Variants in SPIDR observed in about 807,000 individuals in gnomAD.
The protein encoded by SPIDR is scaffold protein involved in DNA repair, also known as DNA repair-scaffolding protein.
In SPIDR, 93 loss-of-function variants were observed where a neutral mutation model predicts 104.6. The observed-to-expected ratio is 0.89, with a 90% confidence interval of 0.75 to 1.06. SPIDR has a LOEUF of 1.06. Among genes scored for constraint, SPIDR ranks in the 50% least tolerant of loss-of-function variants. The pLI is 0.00. For missense variants in SPIDR, 1,154 were observed against 1,111.2 expected, an observed-to-expected ratio of 1.04 and a Z score of -0.55; for synonymous variants, 431 against 416.9, an observed-to-expected ratio of 1.03 and a Z score of -0.41.
At chr8:47,600,260 C>T (rs533960114) in intron 10 of SPIDR, among the ~76,000 whole-genome samples, 14 of 152,234 alleles carry the variant, frequency 9.2e-5, no homozygotes, top group African/African-American at 3.1e-4. Context: ...CATATAATCC[C>T]AGCACTTTGG....
At chr8:47,395,348 CAAA>C (rs1480245356) in intron 5 of SPIDR, among the ~76,000 whole-genome samples, 1 of 151,720 alleles carries the variant, frequency 6.6e-6, no homozygotes, top group African/African-American at 2.4e-5. Flanking sequence ...GACTCCATCT[CAAA>C]GAAAAAAGAA....
At chr8:47,562,912 T>A (rs1367102570) in intron 8 of SPIDR, among the ~76,000 whole-genome samples, 1 of 152,188 alleles carries the variant, frequency 6.6e-6, no homozygotes, top group East Asian at 1.9e-4. Flanking sequence ...TTGAGAAAGT[T>A]GCTGAATGAA....
chr8:47,660,697 C>T (rs569742838), intron 10 of SPIDR, among the ~76,000 whole-genome samples: 1 of 152,290 alleles, frequency 6.6e-6, no homozygotes, highest in East Asian at 1.9e-4. Context: ...ACAGCTGTAG[C>T]TGAATGATGA....
intron 5 of SPIDR, among the ~76,000 whole-genome samples, chr8:47,310,059 C>T (rs1421786599): frequency 2.0e-5 from 3 of 150,528 alleles, no homozygotes; most frequent in South Asian, 4.2e-4. Context: ...AGTCGGCCAG[C>T]GCTGTGGCTC....
At chr8:47,671,665 G>T (rs910620121) in intron 10 of SPIDR, among the ~76,000 whole-genome samples, 7 of 151,954 alleles carry the variant, frequency 4.6e-5, no homozygotes, top group Non-Finnish European at 2.9e-5. Flanking sequence ...CATCATTCTT[G>T]AAAGGAGTTT....
At chr8:47,307,094 T>C (rs1198286436) in intron 5 of SPIDR, among the ~76,000 whole-genome samples, 3 of 152,168 alleles carry the variant, frequency 2.0e-5, no homozygotes, top group Admixed American at 2.0e-4. Flanking sequence ...TACAGAAGGA[T>C]TTCTGTCATT....
At chr8:47,617,968 G>C (rs1266100037) in intron 10 of SPIDR, among the ~76,000 whole-genome samples, 1 of 152,180 alleles carries the variant, frequency 6.6e-6, no homozygotes, top group African/African-American at 2.4e-5. Context: ...TGACAATCAT[G>C]TCATCAAGAC....
chr8:47,637,196 C>T (rs139947054), intron 10 of SPIDR, among the ~76,000 whole-genome samples: 1 of 152,228 alleles, frequency 6.6e-6, no homozygotes, highest in Non-Finnish European at 1.5e-5. Context: ...TCTCCTCAGG[C>T]TCCTCTTGGC....
At chr8:47,365,538 T>C (rs1370512588) in intron 5 of SPIDR, among the ~76,000 whole-genome samples, 1 of 152,174 alleles carries the variant, frequency 6.6e-6, no homozygotes, top group Non-Finnish European at 1.5e-5. Flanking sequence ...CTGTCCTCTC[T>C]AGGCGGACTT....
intron 11 of SPIDR, among the ~76,000 whole-genome samples, chr8:47,676,517 T>C (rs1041274337): frequency 4.4e-5 from 5 of 113,624 alleles, no homozygotes; most frequent in Non-Finnish European, 1.2e-4. Context: ...ACATTCTCTC[T>C]CTTTTTTTTT....
At chr8:47,314,619 A>C (rs1459693177) in intron 5 of SPIDR, among the ~76,000 whole-genome samples, 1 of 152,128 alleles carries the variant, frequency 6.6e-6, no homozygotes, top group African/African-American at 2.4e-5. Context: ...CATTATCACG[A>C]GAATAGCATG....
chr8:47,418,436 A>G (rs1178368737), intron 7 of SPIDR, among the ~76,000 whole-genome samples: 2 of 152,154 alleles, frequency 1.3e-5, no homozygotes, highest in African/African-American at 4.8e-5. Context: ...TTATTGGTAT[A>G]TAAGAATGCT....
At chr8:47,340,472 G>A (rs1447158127) in intron 5 of SPIDR, among the ~76,000 whole-genome samples, 4 of 152,086 alleles carry the variant, frequency 2.6e-5, no homozygotes, top group Non-Finnish European at 5.9e-5. Flanking sequence ...GGACATGGTG[G>A]CACCCTGTAG....
At chr8:47,347,630 G>A (rs1267860136) in intron 5 of SPIDR, among the ~76,000 whole-genome samples, 1 of 152,146 alleles carries the variant, frequency 6.6e-6, no homozygotes, top group East Asian at 1.9e-4. Flanking sequence ...ATGAATCTGG[G>A]TGCTTCTTTA....
At chr8:47,470,882 C>G (rs1164764796) in intron 8 of SPIDR, among the ~76,000 whole-genome samples, 3 of 151,918 alleles carry the variant, frequency 2.0e-5, no homozygotes, top group Admixed American at 2.0e-4. Flanking sequence ...CTACAGGTGC[C>G]CGCCACCACG....
At chr8:47,401,668 A>G (rs2061906968) in intron 6 of SPIDR, among the ~76,000 whole-genome samples, 1 of 152,204 alleles carries the variant, frequency 6.6e-6, no homozygotes, top group African/African-American at 2.4e-5. Context: ...ACAAAAAAAA[A>G]GCAGGGGTTG....
intron 8 of SPIDR, chr8:47,528,068 A>G (rs983306666): frequency 1.8e-4 from 28 of 152,234 alleles, no homozygotes; most frequent in African/African-American, 6.8e-4. Flanking sequence ...AACAACAGCA[A>G]CAACATGATA....
intron 7 of SPIDR, among the ~76,000 whole-genome samples, chr8:47,424,480 A>C (rs527572606): frequency 6.6e-6 from 1 of 152,142 alleles, no homozygotes; most frequent in African/African-American, 2.4e-5. Flanking sequence ...GTTTAAAAAA[A>C]AATTTCTTTT....
intron 5 of SPIDR, among the ~76,000 whole-genome samples, chr8:47,325,382 A>G (rs554323318): frequency 6.6e-6 from 1 of 152,196 alleles, no homozygotes; most frequent in African/African-American, 2.4e-5. Context: ...GGACAAGAGG[A>G]AAAAGTAGTA....
Sources: allele counts gnomAD v4.1 joint callset (sites outside exome capture counted in the v4.1 genomes callset), GRCh38; gene constraint gnomAD v4.1.1; transcripts MANE v1.5; gene names NCBI Gene and HGNC (gene_info 2026-07-23, HGNC 2026-07-21).